Variants in KCNIP1 observed in about 807,000 individuals in gnomAD.
KCNIP1 encodes potassium voltage-gated channel interacting protein 1.
KCNIP1 carries 18 observed loss-of-function variants against 33.0 expected under a neutral mutation model. That is an observed-to-expected ratio of 0.55 (90% CI 0.38 to 0.81). KCNIP1 has a LOEUF of 0.81. Among genes scored for constraint, KCNIP1 ranks in the 30% least tolerant of loss-of-function variants. The pLI is 0.00. For synonymous variants in KCNIP1, 93 were observed against 98.3 expected (o/e 0.95, Z 0.32); for missense variants, 238 against 271.6 (o/e 0.88, Z 0.87).
chr5:170,353,835 C>T (rs779321191), exon 1 of KCNIP1: 1 of 1,595,038 alleles, frequency 6.3e-7, no homozygotes, highest in Non-Finnish European at 8.6e-7. Context: ...GGCACTGTCC[C>T]TTCTGGGTGC....
At chr5:170,557,114 TACTA>T (rs1369998171) in intron 1 of KCNIP1, among the ~76,000 whole-genome samples, 1 of 152,164 alleles carries the variant, frequency 6.6e-6, no homozygotes, top group Non-Finnish European at 1.5e-5. Context: ...CTCTGCCACT[TACTA>T]ACTGTGTGGC....
At chr5:170,695,527 G>A (rs563631124) in intron 1 of KCNIP1, among the ~76,000 whole-genome samples, 5 of 152,276 alleles carry the variant, frequency 3.3e-5, no homozygotes, top group Middle Eastern at 3.4e-3. Context: ...ATATTCATCC[G>A]TGCTGTTGGA....
intron 1 of KCNIP1, among the ~76,000 whole-genome samples, chr5:170,653,565 A>G (rs1451827134): frequency 6.6e-6 from 1 of 152,064 alleles, no homozygotes; most frequent in Non-Finnish European, 1.5e-5. Context: ...AAACAGCTCT[A>G]CTTATCTTAA....
At chr5:170,696,421 G>A (rs552497265) in intron 1 of KCNIP1, among the ~76,000 whole-genome samples, 94 of 152,322 alleles carry the variant, frequency 6.2e-4, no homozygotes, top group Admixed American at 2.4e-3. Flanking sequence ...CAGTCTAGGA[G>A]AGACAGAAGA....
At chr5:170,625,201 C>G (rs1002733967) in intron 1 of KCNIP1, among the ~76,000 whole-genome samples, 1 of 152,118 alleles carries the variant, frequency 6.6e-6, no homozygotes. Flanking sequence ...CCCACGTGGC[C>G]GCAGGAAAGT....
At chr5:170,429,799 G>T (rs765358169) in intron 1 of KCNIP1, among the ~76,000 whole-genome samples, 3 of 152,144 alleles carry the variant, frequency 2.0e-5, no homozygotes, top group Non-Finnish European at 4.4e-5. Context: ...ACGCCTCACA[G>T]AATTTTAAAT....
intron 1 of KCNIP1, among the ~76,000 whole-genome samples, chr5:170,640,826 C>T (rs762808723): frequency 6.6e-6 from 1 of 152,136 alleles, no homozygotes; most frequent in African/African-American, 2.4e-5. Context: ...AGGGGGGACA[C>T]CTCACAGAAG....
Position 170,467,833 on chromosome 5 carries a change from G to A in KCNIP1, c.88+113869G>A, listed in dbSNP as rs140131842. Among the ~76,000 whole-genome samples the A allele has an allele frequency of 6.0e-3, 879 of 146,752 alleles. 9 individuals carry two copies. Among genetic ancestry groups the A allele is most frequent in the African/African-American group, 0.02 (804 of 39,668 alleles). ...CTCAGGAGGCTGAGGCAGGAGAATCGCTTGAACCCAGGAGGTGGAGGTTGC... is the reference window on the plus strand; with the variant it reads ...CTCAGGAGGCTGAGGCAGGAGAATCACTTGAACCCAGGAGGTGGAGGTTGC... On this transcript the variant is annotated intron_variant, in intron 1 of 7. Coordinates refer to the KCNIP1 transcript ENST00000377360.
intron 1 of KCNIP1, among the ~76,000 whole-genome samples, chr5:170,413,423 G>A (rs1031186450): frequency 6.6e-6 from 1 of 152,194 alleles, no homozygotes; most frequent in Non-Finnish European, 1.5e-5. Flanking sequence ...CTGCAGCTGT[G>A]TGGTACTAGA....
At chr5:170,721,683 G>C (rs1317357167) in intron 3 of KCNIP1, 150 bp from the exon 4 acceptor site, 1 of 1,546,820 alleles carries the variant, frequency 6.5e-7, no homozygotes, top group Non-Finnish European at 8.9e-7. Context: ...CCAAAGAGTT[G>C]AGTCAATGGG....
At position 170,401,842 on chromosome 5, in the gene KCNIP1, C is replaced by T. The variant is rs567876889; in HGVS notation, c.88+47878C>T. ...ACTAGGCCTGGCACATGGCTCCCTA[C>T]GGTACTTTCATAGAGTTGCTGTGAC... is the stretch of plus-strand genomic sequence containing the variant. On this transcript the variant is annotated intron_variant, in intron 1 of 7. Transcript: ENST00000377360. Among the ~76,000 whole-genome samples, 28 of 152,102 alleles carry T rather than the reference C, an allele frequency of 1.8e-4. No individual in the cohort carries two copies. The South Asian group carries it at 1.9e-3, about 10-fold the overall frequency.
At chr5:170,528,073 A>G (rs60899890) in intron 1 of KCNIP1, among the ~76,000 whole-genome samples, 1,817 of 152,230 alleles carry the variant, frequency 0.012, 33 homozygotes, top group East Asian at 0.047. Context: ...CCCTCCCAGG[A>G]GCCTCAAGGA....
intron 1 of KCNIP1, among the ~76,000 whole-genome samples, chr5:170,373,230 C>A (rs1169934892): frequency 6.6e-6 from 1 of 152,198 alleles, no homozygotes; most frequent in East Asian, 1.9e-4. Flanking sequence ...TCAACTGACT[C>A]ATCTGGGGGA....
At position 170,489,849 on chromosome 5, in the gene KCNIP1, G is replaced by A. The variant is rs1053688882; in HGVS notation, c.88+135885G>A. Among the ~76,000 whole-genome samples the A allele has an allele frequency of 3.3e-5, 5 of 152,172 alleles. No homozygotes were observed. The highest frequency in any genetic ancestry group is 9.6e-5 in the African/African-American group (4 of 41,454). ...TCCCTAGCAAAGAAACTGGAGAACT[G>A]AGGGTCTCCCCCAGGTCTGCCCTCC... On this transcript the variant is annotated intron_variant, in intron 1 of 7. Transcript: ENST00000377360. This position sits in a 1 kb window ranked among gnomAD's most constrained non-coding sequence, Gnocchi z 4.3.
At chr5:170,696,694 C>A (rs1035776096) in intron 1 of KCNIP1, among the ~76,000 whole-genome samples, 4 of 152,088 alleles carry the variant, frequency 2.6e-5, no homozygotes, top group South Asian at 2.1e-4. Flanking sequence ...ATCTGACATG[C>A]AAAGATGTGG....
chr5:170,359,271 G>A (rs1004350469), intron 1 of KCNIP1, among the ~76,000 whole-genome samples: 1 of 152,150 alleles, frequency 6.6e-6, no homozygotes, highest in Non-Finnish European at 1.5e-5. Context: ...TTGGGTGTGG[G>A]AAAATACACA....
chr5:170,367,744 G>T (rs1008838934), intron 1 of KCNIP1, among the ~76,000 whole-genome samples: 1 of 152,162 alleles, frequency 6.6e-6, no homozygotes, highest in South Asian at 2.1e-4. Context: ...CCTCTCACCC[G>T]CTTTGCTGCA....
chr5:170,424,437 T>G (rs1216555064), intron 1 of KCNIP1, among the ~76,000 whole-genome samples: 2 of 152,092 alleles, frequency 1.3e-5, no homozygotes, highest in African/African-American at 4.8e-5. Context: ...CCTTGGCAAC[T>G]CACACAAGGC....
At chr5:170,607,841 C>T (rs1201372084) in intron 1 of KCNIP1, among the ~76,000 whole-genome samples, 1 of 152,176 alleles carries the variant, frequency 6.6e-6, no homozygotes, top group Non-Finnish European at 1.5e-5. Flanking sequence ...TGGAGCCTTC[C>T]AGCCACAGGA....
Sources: gnomAD v4.1 joint callset for allele counts (sites outside exome capture counted in the v4.1 genomes callset) on GRCh38, gnomAD v4.1.1 for gene constraint, Gnocchi (gnomAD v3.1) non-coding constraint, MANE v1.5 for transcripts, NCBI Gene and HGNC (gene_info 2026-07-23, HGNC 2026-07-21) for gene names.